Variants in ANTXR1 observed in about 807,000 individuals in gnomAD.
The protein encoded by ANTXR1 is ANTXR cell adhesion molecule 1, also known as anthrax toxin receptor 1.
ANTXR1 carries 19 observed loss-of-function variants against 78.1 expected under a neutral mutation model. The observed-to-expected ratio is 0.24, with a 90% confidence interval of 0.17 to 0.36. The LOEUF (loss-of-function observed/expected upper bound fraction) is 0.36, where lower values mean the gene tolerates loss of function less well. ANTXR1 is among the 10% of genes least tolerant of loss of function. ANTXR1 has a pLI of 1.00. For missense variants in ANTXR1, 518 were observed against 718.6 expected, an observed-to-expected ratio of 0.72 and a Z score of 3.19; for synonymous variants, 273 against 260.5, an observed-to-expected ratio of 1.05 and a Z score of -0.46.
intron 8 of ANTXR1, among the ~76,000 whole-genome samples, chr2:69,081,674 T>C (rs1558525684): frequency 6.6e-6 from 1 of 152,222 alleles, no homozygotes; most frequent in East Asian, 1.9e-4. Flanking sequence ...GAAGCTCAGA[T>C]AACCTGCCCA....
intron 3 of ANTXR1, among the ~76,000 whole-genome samples, chr2:69,066,602 A>G (rs1208058045): frequency 1.3e-5 from 2 of 152,260 alleles, no homozygotes; most frequent in African/African-American, 4.8e-5. Context: ...CAGAAAGCCC[A>G]GAAGACATTG....
intron 17 of ANTXR1, among the ~76,000 whole-genome samples, chr2:69,196,994 C>T (rs1400706198): frequency 3.9e-5 from 6 of 152,016 alleles, no homozygotes; most frequent in Non-Finnish European, 5.9e-5. Flanking sequence ...CTAGAGCCAC[C>T]GCCCTTCCCT....
chr2:69,215,021 G>A (rs541724723), intron 17 of ANTXR1, among the ~76,000 whole-genome samples: 139 of 152,156 alleles, frequency 9.1e-4, no homozygotes, highest in African/African-American at 3.2e-3. Context: ...TCCTCTGCAC[G>A]ACCCACATCT....
At chr2:69,025,317 C>T (rs901083048) in intron 1 of ANTXR1, among the ~76,000 whole-genome samples, 2 of 152,110 alleles carry the variant, frequency 1.3e-5, no homozygotes, top group Admixed American at 6.5e-5. Context: ...ATCTCCTAAC[C>T]CCATAACAAC....
chr2:69,089,456 T>C (rs1405750700), intron 8 of ANTXR1, among the ~76,000 whole-genome samples: 1 of 152,232 alleles, frequency 6.6e-6, no homozygotes, highest in Non-Finnish European at 1.5e-5. Context: ...GGCTGTCCTT[T>C]TCGTTTGCTA....
At chr2:69,123,620 T>A (rs1672427477) in intron 11 of ANTXR1, among the ~76,000 whole-genome samples, 1 of 152,212 alleles carries the variant, frequency 6.6e-6, no homozygotes, top group African/African-American at 2.4e-5. Context: ...TCCTTGACTC[T>A]GCGCAGCATC....
intron 17 of ANTXR1, among the ~76,000 whole-genome samples, chr2:69,236,632 C>A (rs1201950137): frequency 1.3e-5 from 2 of 152,158 alleles, no homozygotes; most frequent in African/African-American, 2.4e-5. Context: ...AGAAATTCTA[C>A]CTCAAACAAT....
intron 13 of ANTXR1, among the ~76,000 whole-genome samples, chr2:69,161,385 T>C (rs556901134): frequency 4.6e-5 from 7 of 152,294 alleles, no homozygotes; most frequent in African/African-American, 1.7e-4. Flanking sequence ...GAAATCTGAG[T>C]TCCAAATTGG....
intron 17 of ANTXR1, among the ~76,000 whole-genome samples, chr2:69,240,590 C>T (rs146914603): frequency 6.6e-6 from 1 of 152,216 alleles, no homozygotes; most frequent in Non-Finnish European, 1.5e-5. Context: ...CGGGAACAAT[C>T]GTTTGACTAT....
intron 3 of ANTXR1, among the ~76,000 whole-genome samples, chr2:69,057,462 A>T (rs1404655040): frequency 6.6e-6 from 1 of 152,108 alleles, no homozygotes; most frequent in Non-Finnish European, 1.5e-5. Context: ...TATTATTATT[A>T]TATCTGTTAT....
chr2:69,077,226 G>A, intron 7 of ANTXR1, 182 bp from the exon 8 acceptor site: 1 of 645,062 alleles, frequency 1.6e-6, no homozygotes, highest in Non-Finnish European at 2.8e-6. Flanking sequence ...CTCCAGAGAG[G>A]CCACTGGTGA....
Position 69,182,715 on chromosome 2 carries a change from G to A in ANTXR1, c.1353+55G>A, listed in dbSNP as rs1450994476. 3 of 1,608,930 alleles carry A rather than the reference G, an allele frequency of 1.9e-6. No individual in the cohort carries two copies. The South Asian group carries it at 3.3e-5, about 18-fold the overall frequency. On this transcript the variant is annotated intron_variant, in intron 16 of 17. Coordinates refer to ENST00000303714, the MANE Select transcript of ANTXR1 (RefSeq NM_032208.3). ...TCAGTCCTGATAAAACACTTACATA[G>A]TGAAGAATCAAAATCTTTCCACATG...
chr2:69,157,913 G>A (rs182664996), intron 13 of ANTXR1, among the ~76,000 whole-genome samples: 44 of 152,282 alleles, frequency 2.9e-4, no homozygotes, highest in African/African-American at 4.1e-4. Context: ...AGTGTTCAGC[G>A]GCCGTAAAAC....
chr2:69,147,142 A>T (rs1443659464), intron 12 of ANTXR1, among the ~76,000 whole-genome samples: 2 of 152,218 alleles, frequency 1.3e-5, no homozygotes, highest in African/African-American at 2.4e-5. Context: ...AGGCTATGCC[A>T]TGTGAGCCCT....
intron 17 of ANTXR1, among the ~76,000 whole-genome samples, chr2:69,214,606 G>T (rs966667888): frequency 1.3e-5 from 2 of 152,208 alleles, no homozygotes; most frequent in Non-Finnish European, 2.9e-5. Flanking sequence ...GGATGAGGTT[G>T]TCTCTCCCCT....
At chr2:69,199,727 C>T (rs1452580152) in intron 17 of ANTXR1, among the ~76,000 whole-genome samples, 1 of 152,156 alleles carries the variant, frequency 6.6e-6, no homozygotes, top group Non-Finnish European at 1.5e-5. Flanking sequence ...CTGGGAATCA[C>T]AAAGCCTCCC....
In ANTXR1 at chr2:69,013,275, C is replaced by T. The variant is rs1002291055; in HGVS notation, c.-225C>T. 11 of 651,714 alleles carry T rather than the reference C, an allele frequency of 1.7e-5. No individual in the cohort carries two copies. The highest frequency in any genetic ancestry group is 2.6e-5 in the Non-Finnish European group (10 of 380,628). 40.4% of individuals were successfully genotyped at this position (651,714 alleles called of 1,614,324 possible). ...CCTCCCCTTTAAAAGAAGCGGAGGA[C>T]AGGATTGGGATCCTTGAAACCCGAA... On this transcript the variant is annotated 5_prime_UTR_variant, in exon 1 of 18. Coordinates refer to ENST00000303714, the MANE Select transcript of ANTXR1 (RefSeq NM_032208.3). This position sits in a 1 kb window ranked among gnomAD's most constrained non-coding sequence, Gnocchi z 5.0.
intron 10 of ANTXR1, among the ~76,000 whole-genome samples, chr2:69,109,296 T>G (rs559030580): frequency 6.6e-6 from 1 of 152,210 alleles, no homozygotes; most frequent in Non-Finnish European, 1.5e-5. Context: ...TGTAAAGATA[T>G]CAATTGTCTT....
Position 69,102,882 on chromosome 2 carries a change from T to C in ANTXR1, c.744T>C (p.His248=). 6.2e-7 allele frequency: 1 copy of C among 1,614,188 alleles called. No individual in the cohort carries two copies. The highest frequency in any genetic ancestry group is 8.5e-7 in the Non-Finnish European group (1 of 1,180,036). ...TCGTGAGAGGAAACGGCTTCCGACA[T>C]GCCCGCAACGTGGACAGGGTCCTCT... is the stretch of plus-strand genomic sequence containing the variant. ...QVVVRGNGFR[H]ARNVDRVLCS... is the part of the protein sequence containing the mutation. The change falls in exon 10 of 18, where the codon CAT becomes CAC. Residue 248 remains histidine, a synonymous_variant. Coordinates refer to ENST00000303714, the MANE Select transcript of ANTXR1 (RefSeq NM_032208.3).
Sources: allele counts gnomAD v4.1 joint callset (sites outside exome capture counted in the v4.1 genomes callset), GRCh38; gene constraint gnomAD v4.1.1; non-coding constraint Gnocchi (gnomAD v3.1); transcripts MANE v1.5; gene names NCBI Gene and HGNC (gene_info 2026-07-23, HGNC 2026-07-21).